The following CAMSAP1 variants were observed in gnomAD, a reference collection of about 807,000 sequenced individuals.
CAMSAP1 encodes calmodulin-regulated spectrin-associated protein 1.
A neutral mutation model predicts 143.5 loss-of-function variants in CAMSAP1; 58 were observed. The ratio of observed to expected loss-of-function variants is 0.40; its 90% CI spans 0.33 to 0.50. CAMSAP1 has a LOEUF of 0.50. Among genes scored for constraint, CAMSAP1 ranks in the 20% least tolerant of loss-of-function variants. The probability of loss-of-function intolerance (pLI) is 0.45; values close to 1 mark genes in which losing one functional copy is unlikely to be tolerated. For missense variants in CAMSAP1, 1,969 were observed against 2,115.7 expected (o/e 0.93, Z 1.36); for synonymous variants, 945 against 859.3 (o/e 1.10, Z -1.74).
intron 5 of CAMSAP1, among the ~76,000 whole-genome samples, chr9:135,854,045 A>G (rs1836868448): frequency 6.6e-6 from 1 of 152,260 alleles, no homozygotes; most frequent in African/African-American, 2.4e-5. Context: ...TAGCCTACTC[A>G]GTGTCAGGGA....
At position 135,822,119 on chromosome 9, in the gene CAMSAP1, A is replaced by T; in HGVS notation, c.2542T>A (p.Cys848Ser). 6.2e-7 allele frequency: 1 copy of T among 1,611,004 alleles called. No homozygotes were observed. ...CTCCACGTCGTCAGAGGGGCTGGGC[A>T]GCTCTCAGACGCATCTGGCGTGGTC... ...QKTTPDASES[C>S]PAPLTTWRQK... is the part of the protein sequence containing the mutation. The change falls in exon 11 of 17, where the codon TGC becomes AGC. Residue 848 changes from cysteine (C) to serine (S), a missense_variant. Coordinates refer to ENST00000389532, the MANE Select transcript of CAMSAP1 (RefSeq NM_015447.4). This position sits in a 1 kb window ranked among gnomAD's most constrained non-coding sequence, Gnocchi z 6.1.
chr9:135,871,513 T>C (rs1361072005), intron 3 of CAMSAP1, among the ~76,000 whole-genome samples: 1 of 152,230 alleles, frequency 6.6e-6, no homozygotes. Context: ...AAAATAGTCA[T>C]TTTTCACTAA....
intron 7 of CAMSAP1, chr9:135,836,942 A>G: frequency 1.0e-6 from 1 of 984,244 alleles, no homozygotes; most frequent in South Asian, 4.7e-5. Flanking sequence ...CCCGTTCTAC[A>G]GACACACGTC....
chr9:135,850,074 G>T, intron 7 of CAMSAP1, 63 bp downstream of exon 7: 1 of 1,326,952 alleles, frequency 7.5e-7, no homozygotes, highest in Non-Finnish European at 1.0e-6. Context: ...ACTGGAGAGT[G>T]CTTTCTGATA....
chr9:135,887,314 G>T (rs185293273), intron 1 of CAMSAP1, among the ~76,000 whole-genome samples: 1 of 152,320 alleles, frequency 6.6e-6, no homozygotes, highest in Admixed American at 6.5e-5. Context: ...TGAGAAGGAT[G>T]CATGCATGAA....
At chr9:135,844,993 G>C (rs1019272624) in intron 7 of CAMSAP1, among the ~76,000 whole-genome samples, 1 of 152,146 alleles carries the variant, frequency 6.6e-6, no homozygotes, top group African/African-American at 2.4e-5. Context: ...AACAGAAAAA[G>C]AGGGACTCTT....
intron 3 of CAMSAP1, among the ~76,000 whole-genome samples, chr9:135,867,977 G>A (rs890143970): frequency 2.0e-5 from 3 of 152,164 alleles, no homozygotes; most frequent in African/African-American, 7.2e-5. Context: ...AAAAGTTGGA[G>A]CAAGAACCCA....
At chr9:135,881,123 G>A (rs754660005) in intron 3 of CAMSAP1, among the ~76,000 whole-genome samples, 2 of 152,028 alleles carry the variant, frequency 1.3e-5, no homozygotes, top group Non-Finnish European at 2.9e-5. Flanking sequence ...AGGGAGGACT[G>A]TTTGGGCCCA....
chr9:135,818,025 G>C lies in CAMSAP1; in HGVS notation c.4223C>G (p.Ala1408Gly). ...ATGAACGCTCTCGGGTTCTGTCGTC[G>C]CCGCAGAGGCCAAGGACAGGCTGGA... is the stretch of plus-strand genomic sequence containing the variant. ...SGSSLSLASA[A>G]TTEPESVHSG... Residue 1408 changes from alanine to glycine, a missense_variant, in exon 14 of 17, where the codon GCG becomes GGG. By Grantham distance (60) the Ala-to-Gly change is moderately conservative. Around this residue, in one of 4 missense-constraint regions of CAMSAP1, gnomAD observed 1,390 missense variants for 1,420.8 expected, o/e 0.98. Coordinates refer to ENST00000389532, the MANE Select transcript of CAMSAP1 (RefSeq NM_015447.4). The surrounding 1 kb of genome is among the most constrained non-coding windows in gnomAD (Gnocchi z 7.7). 2 of 1,613,924 alleles carry C rather than the reference G, an allele frequency of 1.2e-6. No individual in the cohort carries two copies. The highest frequency in any genetic ancestry group is 1.7e-6 in the Non-Finnish European group (2 of 1,179,884).
chr9:135,829,091 T>C (rs889033442), intron 7 of CAMSAP1, among the ~76,000 whole-genome samples: 2 of 152,060 alleles, frequency 1.3e-5, no homozygotes, highest in South Asian at 2.1e-4. Context: ...GAACACTAAA[T>C]AGCAACACAA....
In CAMSAP1 at chr9:135,824,133, C is replaced by A; in HGVS notation, c.1316-99G>T. 9.8e-7 allele frequency: 1 copy of A among 1,016,794 alleles called. No individual in the cohort carries two copies. The highest frequency in any genetic ancestry group is 1.5e-6 in the Non-Finnish European group (1 of 665,724). 63.0% of individuals were successfully genotyped at this position (1,016,794 alleles called of 1,614,324 possible). A position where few individuals can be genotyped will look rare whatever the true frequency, so the allele number is the denominator to read the frequency against. On this transcript the variant is annotated intron_variant, in intron 9 of 16. Transcript: ENST00000389532. This position sits in a 1 kb window ranked among gnomAD's most constrained non-coding sequence, Gnocchi z 4.1. ...TTGTCCAGAAAAATGCCTCTCAAGT[C>A]AGTACACCAGAAGGGCCGCATGGAA...
chr9:135,827,119 GTTTC>G (rs1835702395), intron 8 of CAMSAP1, among the ~76,000 whole-genome samples: 3 of 152,040 alleles, frequency 2.0e-5, no homozygotes, highest in Admixed American at 2.0e-4. Flanking sequence ...TCTTTAGATC[GTTTC>G]TTAAACAGTG....
chr9:135,874,479 G>GT (rs1554797545), intron 3 of CAMSAP1, among the ~76,000 whole-genome samples: 2 of 9,626 alleles, frequency 2.1e-4, no homozygotes, highest in Admixed American at 1.5e-3. Context: ...TCTCAAAAAA[G>GT]GGGGGGGGGG....
At chr9:135,814,430 T>C (rs1177604391) in intron 16 of CAMSAP1, among the ~76,000 whole-genome samples, 1 of 152,144 alleles carries the variant, frequency 6.6e-6, no homozygotes, top group Non-Finnish European at 1.5e-5. Flanking sequence ...CACACCAGCC[T>C]CAATCTGGGG....
At chr9:135,890,707 A>AGGGACC (rs1202301098) in intron 1 of CAMSAP1, among the ~76,000 whole-genome samples, 1 of 152,190 alleles carries the variant, frequency 6.6e-6, no homozygotes, top group Non-Finnish European at 1.5e-5. Flanking sequence ...CCTGTCTCCA[A>AGGGACC]GGGACCGCTG....
rs1474101413 is a variant in CAMSAP1 at position 135,810,405 on chromosome 9, T to C, written c.*904A>G. The C allele has an allele frequency of 6.6e-6, 1 of 152,374 alleles. No individual in the cohort carries two copies. Among genetic ancestry groups the C allele is most frequent in the East Asian group, 1.9e-4 (1 of 5,188 alleles). 9.4% of individuals were successfully genotyped at this position (152,374 alleles called of 1,614,324 possible). ...AGTGCATCACCTTTTGGGACAAACATGCTCAGAATGAAAAATATTCTACTT... is the reference window on the plus strand; with the variant it reads ...AGTGCATCACCTTTTGGGACAAACACGCTCAGAATGAAAAATATTCTACTT... On this transcript the variant is annotated 3_prime_UTR_variant, in exon 17 of 17. Coordinates refer to ENST00000389532, the MANE Select transcript of CAMSAP1 (RefSeq NM_015447.4).
chr9:135,891,274 G>A (rs1186290330), intron 1 of CAMSAP1, among the ~76,000 whole-genome samples: 2 of 152,230 alleles, frequency 1.3e-5, no homozygotes, highest in Non-Finnish European at 2.9e-5. Flanking sequence ...GGGAAGCCTA[G>A]GCACGGGGTA....
chr9:135,836,643 T>C, intron 7 of CAMSAP1: 2 of 982,500 alleles, frequency 2.0e-6, no homozygotes, highest in Admixed American at 6.3e-5. Context: ...CAGACACACA[T>C]CATCACGCAC....
intron 1 of CAMSAP1, among the ~76,000 whole-genome samples, chr9:135,884,181 C>T (rs1838050909): frequency 6.6e-6 from 1 of 152,136 alleles, no homozygotes; most frequent in African/African-American, 2.4e-5. Context: ...AAAGGACTAC[C>T]ACCTCCACAG....
Sources: allele counts gnomAD v4.1 joint callset (sites outside exome capture counted in the v4.1 genomes callset), GRCh38; gene constraint gnomAD v4.1.1; regional missense constraint gnomAD v4.1.1; non-coding constraint Gnocchi (gnomAD v3.1); transcripts MANE v1.5; gene names NCBI Gene and HGNC (gene_info 2026-07-23, HGNC 2026-07-21).